Variants in TENM4 observed in about 807,000 individuals in gnomAD.
TENM4 encodes the protein teneurin transmembrane protein 4.
Under a neutral mutation model 243.3 loss-of-function variants are expected in TENM4, and 82 were observed. The observed-to-expected ratio is 0.34, with a 90% CI of 0.28 to 0.40. The LOEUF (loss-of-function observed/expected upper bound fraction) is 0.40, where lower values mean the gene tolerates loss of function less well. Ranked by LOEUF, TENM4 falls within the 10% of genes least tolerant of loss-of-function variation. The probability of loss-of-function intolerance (pLI) is 1.00; values close to 1 mark genes in which losing one functional copy is unlikely to be tolerated. For missense variants in TENM4, 3,138 were observed against 3,673.3 expected (o/e 0.85, Z 3.77); for synonymous variants, 1,412 against 1,456.3 (o/e 0.97, Z 0.69).
chr11:79,064,923 G>T lies in TENM4; in HGVS notation c.308C>A (p.Pro103His). Residue 103 changes from proline to histidine, a missense_variant, in exon 6 of 34, where the codon CCC becomes CAC. Transcript: ENST00000278550. ...GTLYRTDIGL[P>H]HCGYSMGAGS... ...AGCCCCCATGGAGTAGCCGCAGTGG[G>T]GGAGGCCAATGTCTGTCCGGTACAG... is the stretch of plus-strand genomic sequence containing the variant. 1.3e-6 allele frequency: 2 copies of T among 1,540,284 alleles called. No individual in the cohort carries two copies. Among genetic ancestry groups the T allele is most frequent in the Middle Eastern group, 1.7e-4 (1 of 5,934 alleles).
chr11:79,171,020 C>T (rs982859882), intron 3 of TENM4, among the ~76,000 whole-genome samples: 2 of 152,154 alleles, frequency 1.3e-5, no homozygotes, highest in Admixed American at 6.5e-5. Context: ...TGTGCTATAA[C>T]TCCCCCAGCC....
chr11:79,007,539 C>A (rs1194572593), intron 6 of TENM4, among the ~76,000 whole-genome samples: 1 of 152,066 alleles, frequency 6.6e-6, no homozygotes, highest in Non-Finnish European at 1.5e-5. Context: ...GACTCCTGAC[C>A]CATCCTTAGG....
intron 3 of TENM4, among the ~76,000 whole-genome samples, chr11:79,186,406 C>T (rs760721539): frequency 6.6e-6 from 1 of 152,200 alleles, no homozygotes; most frequent in Non-Finnish European, 1.5e-5. Flanking sequence ...GGCACTACAG[C>T]GGAGCCTTTA....
chr11:79,404,842 A>T (rs936556906), intron 1 of TENM4, among the ~76,000 whole-genome samples: 1 of 151,892 alleles, frequency 6.6e-6, no homozygotes, highest in African/African-American at 2.4e-5. Context: ...GCCGTAGAGA[A>T]ATGTTTATGG....
At chr11:78,815,852 C>A (rs1188927499) in intron 12 of TENM4, among the ~76,000 whole-genome samples, 2 of 152,244 alleles carry the variant, frequency 1.3e-5, no homozygotes, top group East Asian at 3.8e-4. Context: ...GCCACAGATA[C>A]TAAATCAAAG....
intron 1 of TENM4, among the ~76,000 whole-genome samples, chr11:79,372,844 G>C (rs1857814105): frequency 6.6e-6 from 1 of 152,150 alleles, no homozygotes; most frequent in Non-Finnish European, 1.5e-5. Context: ...GAGATGGATG[G>C]CAAGCCTTGG....
At position 78,786,946 on chromosome 11, in the gene TENM4, C is replaced by T. The variant is rs373463824; in HGVS notation, c.2317G>A (p.Gly773Ser). ...CAGCCAGGGCTGCACTCGCACTTGC[C>T]GTCGCGGCAGGTCCCATGCTCGGCA... ...RCAEHGTCRD[G>S]KCECSPGWNG... Residue 773 changes from glycine to serine, a missense_variant, in exon 16 of 34, where the codon GGC becomes AGC. Coordinates refer to ENST00000278550, the MANE Select transcript of TENM4 (RefSeq NM_001098816.3). 7.5e-6 allele frequency: 12 copies of T among 1,605,654 alleles called. No homozygotes were observed. Among genetic ancestry groups the T allele is most frequent in the Middle Eastern group, 1.6e-4 (1 of 6,074 alleles).
chr11:78,948,322 T>A (rs1260422928), intron 6 of TENM4, among the ~76,000 whole-genome samples: 2 of 152,064 alleles, frequency 1.3e-5, no homozygotes, highest in Non-Finnish European at 2.9e-5. Flanking sequence ...TTATTCCATA[T>A]CACCTAACAT....
chr11:79,297,245 G>C (rs1856470465), intron 2 of TENM4, among the ~76,000 whole-genome samples: 1 of 152,160 alleles, frequency 6.6e-6, no homozygotes. Flanking sequence ...TGGCCTAAAA[G>C]GACTTCACAG....
chr11:79,345,555 T>C (rs867248494), intron 1 of TENM4, among the ~76,000 whole-genome samples: 1 of 152,224 alleles, frequency 6.6e-6, no homozygotes, highest in Admixed American at 6.5e-5. Flanking sequence ...GGGTAGTTTA[T>C]ATTCATAATT....
At chr11:78,670,865 C>A (rs1195367713) in intron 31 of TENM4, among the ~76,000 whole-genome samples, 1 of 152,202 alleles carries the variant, frequency 6.6e-6, no homozygotes, top group Non-Finnish European at 1.5e-5. Flanking sequence ...TGGTGAGCAG[C>A]CTCGTGGGTT....
intron 6 of TENM4, among the ~76,000 whole-genome samples, chr11:78,904,784 C>T (rs1015412760): frequency 2.0e-5 from 3 of 152,044 alleles, no homozygotes; most frequent in Admixed American, 6.6e-5. Flanking sequence ...GTAAAGTGCC[C>T]AAGGGTTTGT....
intron 6 of TENM4, among the ~76,000 whole-genome samples, chr11:79,001,298 T>C (rs753356892): frequency 5.3e-5 from 8 of 151,530 alleles, no homozygotes; most frequent in Non-Finnish European, 7.4e-5. Context: ...AGGGAAGACA[T>C]TGATAGTGGA....
chr11:78,850,192 T>TA (rs1430479394), intron 12 of TENM4, among the ~76,000 whole-genome samples: 2 of 152,212 alleles, frequency 1.3e-5, no homozygotes, highest in Non-Finnish European at 1.5e-5. Flanking sequence ...AGGCAAAAGT[T>TA]AAACTCATTT....
chr11:78,949,064 G>A (rs1023238991), intron 6 of TENM4, among the ~76,000 whole-genome samples: 1 of 152,092 alleles, frequency 6.6e-6, no homozygotes, highest in Non-Finnish European at 1.5e-5. Context: ...TTTGTAATTA[G>A]TAAGTAATTT....
At chr11:78,766,404 T>A (rs1009624547) in intron 18 of TENM4, among the ~76,000 whole-genome samples, 3 of 152,178 alleles carry the variant, frequency 2.0e-5, no homozygotes, top group African/African-American at 7.2e-5. Flanking sequence ...AGAAGATGCA[T>A]GTGTCTGTAC....
chr11:79,269,367 C>T (rs1208696343), intron 2 of TENM4, among the ~76,000 whole-genome samples: 1 of 152,164 alleles, frequency 6.6e-6, no homozygotes, highest in East Asian at 1.9e-4. Context: ...CCAAAGTTAG[C>T]CAGAGAATGT....
intron 1 of TENM4, among the ~76,000 whole-genome samples, chr11:79,329,508 G>C (rs1380189002): frequency 6.6e-6 from 1 of 152,232 alleles, no homozygotes; most frequent in Non-Finnish European, 1.5e-5. Flanking sequence ...AAGTGGCTTT[G>C]AGCAGGAGCA....
At chr11:78,780,776 T>C (rs1295676445) in intron 16 of TENM4, among the ~76,000 whole-genome samples, 1 of 152,204 alleles carries the variant, frequency 6.6e-6, no homozygotes. Flanking sequence ...TGAAAATATG[T>C]TTTTGATACC....
Sources: allele counts gnomAD v4.1 joint callset (sites outside exome capture counted in the v4.1 genomes callset), GRCh38; gene constraint gnomAD v4.1.1; transcripts MANE v1.5; gene names NCBI Gene and HGNC (gene_info 2026-07-23, HGNC 2026-07-21).